UBE2V2: variants seen among roughly 807,000 people sequenced by gnomAD.
UBE2V2 encodes the protein ubiquitin-conjugating enzyme E2 variant 2.
UBE2V2 carries 9 observed loss-of-function variants against 17.2 expected under a neutral mutation model. The observed-to-expected ratio is 0.52, with a 90% CI of 0.32 to 0.91. UBE2V2 has a LOEUF of 0.91. Ranked by LOEUF, UBE2V2 falls within the 40% of genes least tolerant of loss-of-function variation. UBE2V2 has a pLI of 0.04. For missense variants in UBE2V2, 133 were observed against 182.6 expected, an observed-to-expected ratio of 0.73 and a Z score of 1.56; for synonymous variants, 61 against 57.5, an observed-to-expected ratio of 1.06 and a Z score of -0.28.
chr8:48,053,958 C>A (rs773920324), intron 3 of UBE2V2, among the ~76,000 whole-genome samples: 13 of 151,812 alleles, frequency 8.6e-5, no homozygotes, highest in Non-Finnish European at 1.6e-4. Flanking sequence ...GTGCCTGCCA[C>A]CATGCCTGGC....
intron 1 of UBE2V2, among the ~76,000 whole-genome samples, chr8:48,036,905 C>T (rs569527016): frequency 1.1e-3 from 160 of 152,022 alleles, no homozygotes; most frequent in Non-Finnish European, 1.3e-3. Flanking sequence ...GCTGGCCAGG[C>T]GCGGTGGCTC....
At chr8:48,009,141 T>C (rs1186277580) in intron 1 of UBE2V2, among the ~76,000 whole-genome samples, 1 of 152,232 alleles carries the variant, frequency 6.6e-6, no homozygotes, top group African/African-American at 2.4e-5. Flanking sequence ...TTTGGTTTCC[T>C]GTGAGCACAC....
At chr8:48,052,314 A>G (rs1299656935) in intron 3 of UBE2V2, among the ~76,000 whole-genome samples, 1 of 152,100 alleles carries the variant, frequency 6.6e-6, no homozygotes, top group Non-Finnish European at 1.5e-5. Context: ...TTTCTCCACT[A>G]CTGTTTTGTT....
intron 1 of UBE2V2, among the ~76,000 whole-genome samples, chr8:48,008,723 G>T (rs2091204771): frequency 6.6e-6 from 1 of 150,790 alleles, no homozygotes; most frequent in Admixed American, 6.6e-5. Context: ...TCCCGCGCGG[G>T]CGCCCCCGTA....
intron 3 of UBE2V2, among the ~76,000 whole-genome samples, chr8:48,060,431 A>G (rs1008809821): frequency 1.6e-4 from 24 of 152,200 alleles, no homozygotes; most frequent in African/African-American, 5.8e-4. Flanking sequence ...CAAAGTAGTT[A>G]TTTAATATAA....
At chr8:48,028,345 T>C (rs2091359870) in intron 1 of UBE2V2, among the ~76,000 whole-genome samples, 1 of 150,838 alleles carries the variant, frequency 6.6e-6, no homozygotes, top group South Asian at 2.1e-4. Flanking sequence ...TTTCTTTTTT[T>C]TTTTTTTTTT....
chr8:48,010,442 C>T (rs1172063455), intron 1 of UBE2V2, among the ~76,000 whole-genome samples: 1 of 149,410 alleles, frequency 6.7e-6, no homozygotes, highest in Non-Finnish European at 1.5e-5. Flanking sequence ...TGCTCTGTCA[C>T]CCAGGCTGGA....
intron 3 of UBE2V2, among the ~76,000 whole-genome samples, chr8:48,051,567 A>G (rs2091538679): frequency 6.6e-6 from 1 of 152,098 alleles, no homozygotes; most frequent in African/African-American, 2.4e-5. Flanking sequence ...TTTTATTCTA[A>G]AACTATAGGG....
chr8:48,016,399 A>G (rs1017396520), intron 1 of UBE2V2, among the ~76,000 whole-genome samples: 3 of 151,910 alleles, frequency 2.0e-5, no homozygotes, highest in African/African-American at 7.3e-5. Context: ...TTCTTTCTCC[A>G]TATGGTTGTA....
At chr8:48,033,938 T>C (rs976398827) in intron 1 of UBE2V2, among the ~76,000 whole-genome samples, 1 of 152,022 alleles carries the variant, frequency 6.6e-6, no homozygotes, top group Non-Finnish European at 1.5e-5. Flanking sequence ...GCCTGGGCAA[T>C]AGAGGGAGAC....
At chr8:47,998,365 C>T in the UBE2V2 span, among the ~76,000 whole-genome samples, 7 of 151,994 alleles carry the variant, frequency 4.6e-5, no homozygotes, top group Admixed American at 2.6e-4. Context: ...TGGAAGAGGG[C>T]GTTCCCTTTC....
intron 1 of UBE2V2, among the ~76,000 whole-genome samples, chr8:48,037,988 A>G (rs1018609097): frequency 3.9e-5 from 6 of 152,150 alleles, no homozygotes; most frequent in African/African-American, 1.4e-4. Flanking sequence ...CTTCCAGGCC[A>G]TTTCTGACTC....
At chr8:48,045,954 G>A (rs1423798874) in intron 2 of UBE2V2, among the ~76,000 whole-genome samples, 1 of 151,830 alleles carries the variant, frequency 6.6e-6, no homozygotes, top group Non-Finnish European at 1.5e-5. Context: ...TTTTTTGTTT[G>A]TTTGTTTTTG....
chr8:48,013,555 C>T (rs560913854), intron 1 of UBE2V2, among the ~76,000 whole-genome samples: 4 of 152,114 alleles, frequency 2.6e-5, no homozygotes, highest in East Asian at 1.9e-4. Flanking sequence ...GTGATCCATC[C>T]GCCTCGGCCT....
chr8:48,008,109 A>G (rs1589846108), upstream of UBE2V2, among the ~76,000 whole-genome samples: 1 of 151,818 alleles, frequency 6.6e-6, no homozygotes, highest in East Asian at 1.9e-4. Flanking sequence ...TTTAGTAGAG[A>G]CGGGGTTTCG....
At position 48,057,669 on chromosome 8, in the gene UBE2V2, G is replaced by C. The variant is rs533123557; in HGVS notation, c.292-3013G>C. Among the ~76,000 whole-genome samples, 48 of 152,074 alleles carry C rather than the reference G, an allele frequency of 3.2e-4. No homozygotes were observed. The East Asian group carries it at 8.9e-3, about 28-fold the overall frequency. ...GGGGAGGGAGGGAAAGGGGGAGGTA[G>C]GAGAGGAGGGTGGTAGGAAGGAGGG... On this transcript the variant is annotated intron_variant, in intron 3 of 3. Coordinates refer to ENST00000523111, the MANE Select transcript of UBE2V2 (RefSeq NM_003350.3).
intron 1 of UBE2V2, among the ~76,000 whole-genome samples, chr8:48,021,968 C>T (rs940623881): frequency 2.6e-5 from 4 of 151,898 alleles, no homozygotes; most frequent in African/African-American, 7.3e-5. Context: ...GGGTGAGCCA[C>T]CACGCCTGGC....
intron 1 of UBE2V2, among the ~76,000 whole-genome samples, chr8:48,038,358 C>T (rs2091438463): frequency 6.6e-6 from 1 of 152,122 alleles, no homozygotes; most frequent in Admixed American, 6.6e-5. Flanking sequence ...GACTCCGTCA[C>T]CCAAAATGGA....
At chr8:48,053,485 G>C (rs1042806295) in intron 3 of UBE2V2, among the ~76,000 whole-genome samples, 1 of 143,758 alleles carries the variant, frequency 7.0e-6, no homozygotes, top group Non-Finnish European at 1.5e-5. Flanking sequence ...GTGCAGTCAC[G>C]CGATCTTGGC....
Sources: gnomAD v4.1 joint callset for allele counts (sites outside exome capture counted in the v4.1 genomes callset) on GRCh38, gnomAD v4.1.1 for gene constraint, MANE v1.5 for transcripts, NCBI Gene and HGNC (gene_info 2026-07-23, HGNC 2026-07-21) for gene names.